CNGB1: variants seen among roughly 807,000 people sequenced by gnomAD.
CNGB1 encodes cyclic nucleotide-gated channel beta-1.
CNGB1 carries 126 observed loss-of-function variants against 151.7 expected under a neutral mutation model. That is an observed-to-expected ratio of 0.83 (90% confidence interval 0.72 to 0.96). The LOEUF (loss-of-function observed/expected upper bound fraction) is 0.96. Among genes scored for constraint, CNGB1 ranks in the 40% least tolerant of loss-of-function variants. The probability of loss-of-function intolerance (pLI) is 0.00; values close to 1 mark genes in which losing one functional copy is unlikely to be tolerated. For missense variants in CNGB1, 1,698 were observed against 1,627.0 expected (o/e 1.04, Z -0.75); for synonymous variants, 623 against 635.1 (o/e 0.98, Z 0.29).
intron 18 of CNGB1, among the ~76,000 whole-genome samples, chr16:57,920,786 T>A (rs1419594990): frequency 6.6e-6 from 1 of 152,184 alleles, no homozygotes; most frequent in Non-Finnish European, 1.5e-5. Context: ...CCACGTAGGC[T>A]CTGATTCAGA....
chr16:57,945,488 C>G (rs1961783692), intron 14 of CNGB1, among the ~76,000 whole-genome samples: 1 of 152,270 alleles, frequency 6.6e-6, no homozygotes, highest in African/African-American at 2.4e-5. Flanking sequence ...TGGGCTGCCT[C>G]TGTCTGCTCA....
intron 14 of CNGB1, among the ~76,000 whole-genome samples, chr16:57,944,646 A>G (rs1961756182): frequency 6.6e-6 from 1 of 152,128 alleles, no homozygotes; most frequent in African/African-American, 2.4e-5. Context: ...AAATATATAC[A>G]ATTTATGTCA....
chr16:57,886,356 G>A (rs1305328183), intron 32 of CNGB1, among the ~76,000 whole-genome samples: 2 of 152,218 alleles, frequency 1.3e-5, no homozygotes, highest in Non-Finnish European at 2.9e-5. Context: ...AGCTCTTGGT[G>A]TACTGGGAGC....
chr16:57,885,506 TTTCCTTCC>T (rs555069702), intron 32 of CNGB1, among the ~76,000 whole-genome samples: 3 of 149,614 alleles, frequency 2.0e-5, no homozygotes, highest in Non-Finnish European at 4.4e-5. Flanking sequence ...TCTTTCCTTC[TTTCCTTCC>T]TTCCTTCCTT....
intron 12 of CNGB1, 84 bp from the exon 13 acceptor site, chr16:57,950,624 G>GCCTGCAGGGAT: frequency 6.8e-7 from 1 of 1,473,602 alleles, no homozygotes; most frequent in Non-Finnish European, 9.4e-7. Context: ...CCTGCAGGGA[G>GCCTGCAGGGAT]CCCTGGCTGT....
chr16:57,968,865 TAAAAAAA>T lies in CNGB1; in HGVS notation c.-8-1578_-8-1572del, dbSNP rs749886638. ...AACATATCAAGACCCTGTCTCTATT[TAAAAAAA>T]AAAAAAAAAAAAGCCTGTTATGGTG... On this transcript the variant is annotated intron_variant, in intron 1 of 32. Coordinates refer to ENST00000251102, the MANE Select transcript of CNGB1 (RefSeq NM_001297.5). 6.5e-5 allele frequency among the ~76,000 whole-genome samples: 8 copies of T among 122,896 alleles called. No individual in the cohort carries two copies. In the East Asian group the frequency reaches 1.9e-3, roughly 29 times the overall value. The allele number at this position is 122,896 out of a possible 152,430, so 80.6% of individuals were successfully genotyped here.
At chr16:57,886,781 A>T (rs1299956272) in intron 32 of CNGB1, among the ~76,000 whole-genome samples, 1 of 152,218 alleles carries the variant, frequency 6.6e-6, no homozygotes, top group Non-Finnish European at 1.5e-5. Flanking sequence ...GGTCACAGAA[A>T]AAAGTCCCAG....
At chr16:57,892,629 G>A (rs1567363358) in intron 31 of CNGB1, among the ~76,000 whole-genome samples, 1 of 151,280 alleles carries the variant, frequency 6.6e-6, no homozygotes, top group Non-Finnish European at 1.5e-5. Context: ...ACTCTCCATG[G>A]CTCCCATCTT....
Position 57,920,509 on chromosome 16 carries a change from T to G in CNGB1, c.1679A>C (p.Asn560Thr). 1 of 1,613,954 alleles carries G rather than the reference T, an allele frequency of 6.2e-7. No homozygotes were observed. The highest frequency in any genetic ancestry group is 8.5e-7 in the Non-Finnish European group (1 of 1,180,020). Residue 560 changes from asparagine (N) to threonine (T), a missense_variant, in exon 19 of 33, where the codon AAT becomes ACT. Physicochemically the swap from Asn to Thr is moderately conservative, Grantham distance 65 (BLOSUM62 0). Coordinates refer to ENST00000251102, the MANE Select transcript of CNGB1 (RefSeq NM_001297.5). Reference sequence around the variant, plus strand: ...GAGCCGGTCGTTGATGATGGCGCTATTTGTGCTGGCCGTGGAGGCCGCACG... The same window carrying G: ...GAGCCGGTCGTTGATGATGGCGCTAGTTGTGCTGGCCGTGGAGGCCGCACG... ...QDRAASTASTNSAIINDRLQE... is the reference protein window; with the variant it reads ...QDRAASTASTTSAIINDRLQE...
At chr16:57,893,522 G>T (rs1414447983) in intron 31 of CNGB1, among the ~76,000 whole-genome samples, 1 of 152,082 alleles carries the variant, frequency 6.6e-6, no homozygotes, top group African/African-American at 2.4e-5. Context: ...AGCAGGCCAG[G>T]CACAGTGGCT....
chr16:57,948,542 T>C (rs757739602), intron 14 of CNGB1, among the ~76,000 whole-genome samples: 2 of 152,014 alleles, frequency 1.3e-5, no homozygotes, highest in Non-Finnish European at 2.9e-5. Flanking sequence ...TCAGTCCTTT[T>C]TGGTTCCTCA....
Position 57,915,994 on chromosome 16 carries a change from G to A in CNGB1, c.2217+135C>T. On this transcript the variant is annotated intron_variant, in intron 22 of 32. Transcript: ENST00000251102. The stretch of plus-strand genomic sequence containing the variant: ...GTCTCCTGGGGCTTGTGGTTTGGAG[G>A]ACACTCCCACAGGGACCAGCATCCC... 5.9e-6 allele frequency: 5 copies of A among 849,144 alleles called. No homozygotes were observed. The South Asian group carries it at 6.6e-5, about 11-fold the overall frequency. The allele number at this position is 849,144 out of a possible 1,614,324, so 52.6% of individuals were successfully genotyped here.
intron 12 of CNGB1, among the ~76,000 whole-genome samples, 181 bp downstream of exon 12, chr16:57,957,160 C>A (rs1466102154): frequency 6.6e-6 from 1 of 152,212 alleles, no homozygotes. Flanking sequence ...GCTACCTGAA[C>A]AGAGGTAGGG....
chr16:57,882,515 G>A lies in CNGB1; in HGVS notation c.*1649C>T, dbSNP rs1959782864. On this transcript the variant is annotated 3_prime_UTR_variant, in exon 33 of 33. Transcript: ENST00000251102. Reference sequence around the variant, plus strand: ...TCATTTTTCCACAGTGGAAATGAATGTTGTTTTTAGTGGATGGACAAATAC... The same window carrying A: ...TCATTTTTCCACAGTGGAAATGAATATTGTTTTTAGTGGATGGACAAATAC... 1 of 152,146 alleles carries A rather than the reference G, an allele frequency of 6.6e-6. No homozygotes were observed. Among genetic ancestry groups the A allele is most frequent in the South Asian group, 2.1e-4 (1 of 4,834 alleles). The allele number at this position is 152,146 out of a possible 1,614,324, so 9.4% of individuals were successfully genotyped here.
At chr16:57,933,300 T>C (rs1320283713) in intron 16 of CNGB1, among the ~76,000 whole-genome samples, 1 of 152,200 alleles carries the variant, frequency 6.6e-6, no homozygotes, top group Non-Finnish European at 1.5e-5. Flanking sequence ...ACAGACTGTG[T>C]AGTGTGTGCT....
chr16:57,899,115 G>A (rs1486813114), intron 29 of CNGB1, among the ~76,000 whole-genome samples: 1 of 152,192 alleles, frequency 6.6e-6, no homozygotes, highest in Non-Finnish European at 1.5e-5. Flanking sequence ...GAGTTGCACA[G>A]TGTCCCGCGG....
chr16:57,899,534 G>A (rs916149926), intron 29 of CNGB1, among the ~76,000 whole-genome samples: 6 of 152,180 alleles, frequency 3.9e-5, no homozygotes, highest in African/African-American at 1.4e-4. Context: ...CAGCTACTTG[G>A]GAGGCTGAGG....
chr16:57,890,222 C>G (rs1960050629), intron 31 of CNGB1, among the ~76,000 whole-genome samples: 1 of 152,206 alleles, frequency 6.6e-6, no homozygotes, highest in Non-Finnish European at 1.5e-5. Flanking sequence ...CCATTACTGG[C>G]TGCTTATCTA....
At chr16:57,954,201 A>G (rs184700117) in intron 12 of CNGB1, among the ~76,000 whole-genome samples, 100 of 152,300 alleles carry the variant, frequency 6.6e-4, no homozygotes, top group Non-Finnish European at 7.6e-4. Context: ...ACTCTCCTGT[A>G]TGCCACACTT....
Sources: gnomAD v4.1 joint callset for allele counts (sites outside exome capture counted in the v4.1 genomes callset) on GRCh38, gnomAD v4.1.1 for gene constraint, MANE v1.5 for transcripts, NCBI Gene and HGNC (gene_info 2026-07-23, HGNC 2026-07-21) for gene names.